SPOCK2: variants seen among roughly 807,000 people sequenced by gnomAD.
SPOCK2 encodes the protein testican-2.
SPOCK2 carries 39 observed loss-of-function variants against 60.1 expected under a neutral mutation model. The observed-to-expected ratio is 0.65, with a 90% CI of 0.50 to 0.85. The LOEUF (loss-of-function observed/expected upper bound fraction) is 0.85, where lower values mean the gene tolerates loss of function less well. Ranked by LOEUF, SPOCK2 falls within the 40% of genes least tolerant of loss-of-function variation. The pLI is 0.00. For missense variants in SPOCK2, 523 were observed against 567.4 expected (o/e 0.92, Z 0.80); for synonymous variants, 217 against 231.5 (o/e 0.94, Z 0.57).
chr10:72,086,678 GT>G (rs1159800991), intron 1 of SPOCK2: 3 of 1,297,490 alleles, frequency 2.3e-6, no homozygotes, highest in Non-Finnish European at 3.0e-6. Context: ...CAGGTCGCAT[GT>G]GGGGCGAAGG....
At chr10:72,085,081 T>G (rs1840837301) in intron 1 of SPOCK2, among the ~76,000 whole-genome samples, 1 of 152,200 alleles carries the variant, frequency 6.6e-6, no homozygotes, top group Non-Finnish European at 1.5e-5. Flanking sequence ...TGGACCTGTC[T>G]CCTCCAAGTG....
At chr10:72,080,332 C>G (rs1289212684) in intron 1 of SPOCK2, among the ~76,000 whole-genome samples, 2 of 152,234 alleles carry the variant, frequency 1.3e-5, no homozygotes, top group African/African-American at 4.8e-5. Flanking sequence ...CTCTGAGAGG[C>G]CCTGTATCTG....
chr10:72,077,282 G>C (rs1164998238), intron 1 of SPOCK2, among the ~76,000 whole-genome samples: 1 of 151,968 alleles, frequency 6.6e-6, no homozygotes, highest in Non-Finnish European at 1.5e-5. Context: ...CACCATGCCT[G>C]TCTAATTTTT....
At chr10:72,080,641 A>G (rs971676148) in intron 1 of SPOCK2, among the ~76,000 whole-genome samples, 1 of 152,026 alleles carries the variant, frequency 6.6e-6, no homozygotes, top group African/African-American at 2.4e-5. Flanking sequence ...CAGAGGGGCC[A>G]GTCATTAAAT....
intron 5 of SPOCK2, 105 bp from the exon 6 acceptor site, chr10:72,068,406 C>G (rs1159697310): frequency 3.3e-6 from 4 of 1,210,576 alleles, no homozygotes; most frequent in Non-Finnish European, 4.6e-6. Flanking sequence ...CTGCCTCCCC[C>G]CATGGAGTGC....
chr10:72,070,430 C>T lies in SPOCK2; in HGVS notation c.360-4G>A. ...TTTCACGGTCGGCTGCTTGATCCTA[C>T]AGGAGAGGGTGGGGGGCACACCAGG... is the stretch of plus-strand genomic sequence containing the variant. On this transcript the variant is annotated splice_polypyrimidine_tract_variant and splice_region_variant and intron_variant, in intron 4 of 10. Transcript: ENST00000373109. 6.2e-7 allele frequency: 1 copy of T among 1,614,016 alleles called. No homozygotes were observed. The highest frequency in any genetic ancestry group is 1.6e-4 in the Middle Eastern group (1 of 6,062).
At chr10:72,086,852 C>G in intron 1 of SPOCK2, 2 of 1,547,902 alleles carry the variant, frequency 1.3e-6, no homozygotes, top group South Asian at 2.4e-5. Context: ...TGCCTCTTCC[C>G]ATCACTTGGC....
chr10:72,059,586 G>T lies in SPOCK2; in HGVS notation c.*3174C>A, dbSNP rs1276065502. The T allele has an allele frequency of 6.6e-6, 1 of 152,270 alleles. No homozygotes were observed. The highest frequency in any genetic ancestry group is 1.5e-5 in the Non-Finnish European group (1 of 68,088). The allele number at this position is 152,270 out of a possible 1,614,324, so 9.4% of individuals were successfully genotyped here. The stretch of plus-strand genomic sequence containing the variant: ...CCCAGGGGCTGAGGGCTCGGGCTTT[G>T]GTGAAGCAGAGGGTCCCCGTGTTGA... On this transcript the variant is annotated 3_prime_UTR_variant, in exon 11 of 11. Transcript: ENST00000373109.
intron 1 of SPOCK2, among the ~76,000 whole-genome samples, chr10:72,077,257 AG>A (rs1840726169): frequency 6.6e-6 from 1 of 152,200 alleles, no homozygotes; most frequent in Middle Eastern, 3.4e-3. Context: ...AGTACCTGGG[AG>A]CACAGGCATG....
chr10:72,084,265 C>T (rs2131824072), intron 1 of SPOCK2, among the ~76,000 whole-genome samples: 1 of 152,344 alleles, frequency 6.6e-6, no homozygotes. Flanking sequence ...AGCCCTCCAG[C>T]CCCCTGGCAA....
intron 2 of SPOCK2, 111 bp from the exon 3 acceptor site, chr10:72,072,659 C>T: frequency 4.6e-6 from 7 of 1,515,708 alleles, no homozygotes; most frequent in Non-Finnish European, 6.3e-6. Context: ...GTGCCAATGG[C>T]CGTCATCCTG....
chr10:72,082,623 G>C lies in SPOCK2; in HGVS notation c.189+5517C>G, dbSNP rs371629377. On this transcript the variant is annotated intron_variant, in intron 1 of 10. Transcript: ENST00000373109. The stretch of plus-strand genomic sequence containing the variant: ...AATCCTAGCACTTTGGGAGGCGGAG[G>C]GGGGTGGATTGCTTGAGTCCAGGAG... Among the ~76,000 whole-genome samples the C allele has an allele frequency of 3.7e-3, 562 of 152,126 alleles. 8 individuals carry two copies. Among genetic ancestry groups the C allele is most frequent in the African/African-American group, 0.013 (521 of 41,510 alleles).
chr10:72,068,968 T>A (rs531289290), intron 5 of SPOCK2: 1 of 152,414 alleles, frequency 6.6e-6, no homozygotes, highest in African/African-American at 2.4e-5. Flanking sequence ...GGGTTTCTCC[T>A]GCTCAGCAGA....
rs1465097279 is a variant in SPOCK2, at chr10:72,066,926, A to G, written c.904T>C (p.Trp302Arg). 1 of 1,614,036 alleles carries G rather than the reference A, an allele frequency of 6.2e-7. No homozygotes were observed. Among genetic ancestry groups the G allele is most frequent in the Non-Finnish European group, 8.5e-7 (1 of 1,180,026 alleles). ...CTCTCCCTCCAGAAGCAGAAGCACCACTCAGCAGTAGAGACCCGGCCATCC... is the reference window on the plus strand; with the variant it reads ...CTCTCCCTCCAGAAGCAGAAGCACCGCTCAGCAGTAGAGACCCGGCCATCC... ...YKDGRVSTAEWCFCFWREKPP... is the reference protein window; with the variant it reads ...YKDGRVSTAERCFCFWREKPP... The change falls in exon 8 of 11, where the codon TGG becomes CGG. Residue 302 changes from tryptophan (W) to arginine (R), a missense_variant. Transcript: ENST00000373109.
At chr10:72,074,748 G>A (rs956954916) in intron 1 of SPOCK2, among the ~76,000 whole-genome samples, 3 of 152,162 alleles carry the variant, frequency 2.0e-5, no homozygotes, top group African/African-American at 4.8e-5. Flanking sequence ...GACTGCTCCC[G>A]TGAGAGCCCA....
intron 1 of SPOCK2, among the ~76,000 whole-genome samples, chr10:72,077,420 G>A (rs1038671577): frequency 6.6e-6 from 1 of 152,140 alleles, no homozygotes; most frequent in African/African-American, 2.4e-5. Context: ...ATGAGCCACT[G>A]TGCCCTTCCC....
intron 2 of SPOCK2, 39 bp downstream of exon 2, chr10:72,072,863 G>C: frequency 6.4e-7 from 1 of 1,552,394 alleles, no homozygotes; most frequent in Non-Finnish European, 8.7e-7. Context: ...GGTGTGCTCT[G>C]CAGAGACCAC....
At chr10:72,074,157 C>T (rs1840685041) in intron 1 of SPOCK2, among the ~76,000 whole-genome samples, 1 of 152,094 alleles carries the variant, frequency 6.6e-6, no homozygotes, top group African/African-American at 2.4e-5. Context: ...TGGCACCAAA[C>T]GGCACCCACA....
intron 4 of SPOCK2, 88 bp from the exon 5 acceptor site, chr10:72,070,514 C>T (rs982331532): frequency 1.6e-4 from 198 of 1,268,452 alleles, no homozygotes; most frequent in Non-Finnish European, 2.2e-4. Context: ...CCTGTTCCAA[C>T]AGGAAGGCAG....
Sources: allele counts gnomAD v4.1 joint callset (sites outside exome capture counted in the v4.1 genomes callset), GRCh38; gene constraint gnomAD v4.1.1; transcripts MANE v1.5; gene names NCBI Gene and HGNC (gene_info 2026-07-23, HGNC 2026-07-21).